The following HDAC8 variants were observed in gnomAD, a reference collection of about 807,000 sequenced individuals.
The protein encoded by HDAC8 is histone deacetylase 8.
Under a neutral mutation model 32.2 loss-of-function variants are expected in HDAC8, and 1 was observed. The observed-to-expected ratio is 0.03, with a 90% CI of 0.01 to 0.15. The LOEUF is 0.15. HDAC8 is among the 10% of genes least tolerant of loss of function. The pLI is 1.00. For synonymous variants in HDAC8, 108 were observed against 113.9 expected (o/e 0.95, Z 0.33); for missense variants, 117 against 300.0 (o/e 0.39, Z 4.51).
chrX:72,448,880 C>T (rs1691234969), intron 9 of HDAC8, among the ~76,000 whole-genome samples: 1 of 112,293 alleles, frequency 8.9e-6, no homozygotes, highest in Non-Finnish European at 1.9e-5. Context: ...CAATGAGGTA[C>T]CATCTCACAC....
intron 4 of HDAC8, among the ~76,000 whole-genome samples, chrX:72,549,936 A>G (rs2051007707): frequency 8.9e-6 from 1 of 111,842 alleles, no homozygotes; most frequent in African/African-American, 3.2e-5. Flanking sequence ...TGCTAGAGTC[A>G]TATTCCTAAA....
chrX:72,549,402 A>G (rs1461551829), intron 4 of HDAC8, among the ~76,000 whole-genome samples: 1 of 111,215 alleles, frequency 9.0e-6, no homozygotes, highest in Non-Finnish European at 1.9e-5. Flanking sequence ...TCAAATCTCT[A>G]TCTTCAGTGA....
intron 9 of HDAC8, among the ~76,000 whole-genome samples, chrX:72,439,636 A>G (rs1389668489): frequency 2.1e-5 from 2 of 96,481 alleles, no homozygotes; most frequent in African/African-American, 4.4e-5. Context: ...AGCAAATGGA[A>G]AGCAAAAAAA....
At chrX:72,388,222 G>C (rs1187110065) in intron 9 of HDAC8, among the ~76,000 whole-genome samples, 1 of 110,477 alleles carries the variant, frequency 9.1e-6, no homozygotes, top group Non-Finnish European at 1.9e-5. Context: ...GTGTGTGTTT[G>C]TGTATTTGAA....
At chrX:72,502,120 A>G (rs782427915) in intron 4 of HDAC8, among the ~76,000 whole-genome samples, 1 of 111,948 alleles carries the variant, frequency 8.9e-6, no homozygotes, top group East Asian at 2.8e-4. Context: ...TCAAAAAAAT[A>G]ATACATGCTG....
chrX:72,398,195 G>T (rs1241072182), intron 9 of HDAC8, among the ~76,000 whole-genome samples: 1 of 111,801 alleles, frequency 8.9e-6, no homozygotes, highest in Non-Finnish European at 1.9e-5. Flanking sequence ...CATTTATTGT[G>T]GTTTTAATTT....
At chrX:72,410,428 T>C (rs2147896373) in intron 9 of HDAC8, among the ~76,000 whole-genome samples, 1 of 110,785 alleles carries the variant, frequency 9.0e-6, no homozygotes, top group East Asian at 2.8e-4. Context: ...GATGATCCCA[T>C]ATGGGAGAAG....
intron 9 of HDAC8, among the ~76,000 whole-genome samples, chrX:72,370,719 G>C (rs1179903590): frequency 2.7e-5 from 3 of 112,263 alleles, no homozygotes; most frequent in African/African-American, 9.7e-5. Flanking sequence ...AGGCTGAGGA[G>C]CAAGGAGAGC....
chrX:72,449,342 A>G (rs998842769), intron 9 of HDAC8, among the ~76,000 whole-genome samples: 1 of 111,138 alleles, frequency 9.0e-6, no homozygotes, highest in Non-Finnish European at 1.9e-5. Context: ...GAAACCAAAC[A>G]CCGCATGTTC....
intron 10 of HDAC8, among the ~76,000 whole-genome samples, chrX:72,335,712 A>G (rs1276368338): frequency 3.6e-5 from 4 of 110,525 alleles, no homozygotes; most frequent in African/African-American, 9.9e-5. Flanking sequence ...GGAGTTCAAG[A>G]CTAGCCTGGG....
chrX:72,520,272 G>A (rs1355201699), intron 4 of HDAC8, among the ~76,000 whole-genome samples: 1 of 111,562 alleles, frequency 9.0e-6, no homozygotes, highest in Non-Finnish European at 1.9e-5. Context: ...GTTAATTTTT[G>A]TTTATGGTAT....
intron 9 of HDAC8, among the ~76,000 whole-genome samples, chrX:72,355,682 T>C (rs1555950515): frequency 8.9e-6 from 1 of 112,070 alleles, no homozygotes. Flanking sequence ...TGCTCTTTTC[T>C]TGTTCATGTC....
At chrX:72,397,184 A>G (rs1262940897) in intron 9 of HDAC8, among the ~76,000 whole-genome samples, 3 of 111,672 alleles carry the variant, frequency 2.7e-5, no homozygotes, top group African/African-American at 9.8e-5. Flanking sequence ...ATCTGCCCCC[A>G]TGATCCAATC....
In HDAC8 at chrX:72,569,689, A is replaced by G. The variant is rs185498670; in HGVS notation, c.165-805T>C. On this transcript the variant is annotated intron_variant, in intron 2 of 10. Transcript: ENST00000373573. The stretch of plus-strand genomic sequence containing the variant: ...TAGAAGCGAGTGAGGGAATAAAGGG[A>G]GCTAACCCAATAAGAGGCCTTACCA... Among the ~76,000 whole-genome samples the G allele has an allele frequency of 2.7e-5, 3 of 111,576 alleles. No individual in the cohort carries two copies. In the East Asian group the frequency reaches 8.4e-4, roughly 31 times the overall value.
At chrX:72,356,966 C>T (rs910332664) in intron 9 of HDAC8, among the ~76,000 whole-genome samples, 3 of 110,355 alleles carry the variant, frequency 2.7e-5, no homozygotes, top group African/African-American at 6.6e-5. Context: ...GAGAAGGTAT[C>T]GGAATTTGAG....
chrX:72,430,278 C>G (rs2046774572), intron 9 of HDAC8, among the ~76,000 whole-genome samples: 1 of 112,108 alleles, frequency 8.9e-6, no homozygotes, highest in Non-Finnish European at 1.9e-5. Flanking sequence ...TTCCTTTTCT[C>G]TCAATCACCT....
chrX:72,350,327 C>G (rs782514142), intron 10 of HDAC8, among the ~76,000 whole-genome samples: 4 of 111,825 alleles, frequency 3.6e-5, no homozygotes, highest in African/African-American at 1.3e-4. Flanking sequence ...AAACTTTTCT[C>G]TGGCTAAATG....
At chrX:72,495,728 C>G (rs1445091292) in intron 4 of HDAC8, among the ~76,000 whole-genome samples, 1 of 111,774 alleles carries the variant, frequency 8.9e-6, no homozygotes, top group Non-Finnish European at 1.9e-5. Context: ...TGTACTGACC[C>G]TATGACACAA....
chrX:72,362,742 T>C (rs2044592335), intron 9 of HDAC8, among the ~76,000 whole-genome samples: 2 of 112,350 alleles, frequency 1.8e-5, no homozygotes, highest in African/African-American at 6.5e-5. Flanking sequence ...CTGAATGTAA[T>C]GGGCAGTAGT....
Sources: gnomAD v4.1 joint callset for allele counts (sites outside exome capture counted in the v4.1 genomes callset) on GRCh38, gnomAD v4.1.1 for gene constraint, MANE v1.5 for transcripts, NCBI Gene and HGNC (gene_info 2026-07-23, HGNC 2026-07-21) for gene names.